The following IFT52 variants were observed in gnomAD, a reference collection of about 807,000 sequenced individuals.
The protein encoded by IFT52 is intraflagellar transport 52.
IFT52 carries 44 observed loss-of-function variants against 54.4 expected under a neutral mutation model. That is an observed-to-expected ratio of 0.81 (90% CI 0.63 to 1.04). The LOEUF is 1.04. IFT52 is among the 50% of genes least tolerant of loss of function. The pLI is 0.00. For synonymous variants in IFT52, 181 were observed against 185.3 expected (o/e 0.98, Z 0.19); for missense variants, 452 against 523.6 (o/e 0.86, Z 1.33).
At chr20:43,595,442 G>A (rs554940601) in intron 2 of IFT52, among the ~76,000 whole-genome samples, 152 of 151,884 alleles carry the variant, frequency 1.0e-3, no homozygotes, top group African/African-American at 2.6e-3. Flanking sequence ...CCAGCTGCTC[G>A]GGAGGCTGAG....
chr20:43,615,720 C>T (rs1482071027), intron 7 of IFT52, among the ~76,000 whole-genome samples: 1 of 152,006 alleles, frequency 6.6e-6, no homozygotes, highest in Non-Finnish European at 1.5e-5. Context: ...GGGTGGATCA[C>T]GAGGTCAGGA....
Position 43,600,304 on chromosome 20 carries a change from AT to A in IFT52, c.208-3441del, listed in dbSNP as rs747896469. On this transcript the variant is annotated intron_variant, in intron 3 of 13. Transcript: ENST00000373030. Reference sequence around the variant, plus strand: ...ACTGACTAACTCTTGGTAAAGTTCTATTTTTTTTTTTTTTTCCTGAGACGGA... The same window carrying A: ...ACTGACTAACTCTTGGTAAAGTTCTATTTTTTTTTTTTTTCCTGAGACGGA... 2.1e-3 allele frequency among the ~76,000 whole-genome samples: 290 copies of A among 138,436 alleles called. 1 individual carries two copies. The highest frequency in any genetic ancestry group is 0.01 in the South Asian group (45 of 4,290). The allele number at this position is 138,436 out of a possible 152,430, so 90.8% of individuals were successfully genotyped here.
intron 6 of IFT52, among the ~76,000 whole-genome samples, chr20:43,610,627 T>C (rs375728722): frequency 7.5e-4 from 113 of 151,672 alleles, no homozygotes; most frequent in African/African-American, 2.6e-3. Flanking sequence ...TAGTCCCAAC[T>C]ACTCGGGAGG....
rs577099933 is a variant in IFT52 at position 43,615,184 on chromosome 20, A to G, written c.612+1208A>G. 1.5e-3 allele frequency among the ~76,000 whole-genome samples: 226 copies of G among 152,052 alleles called. 1 individual carries two copies. Among genetic ancestry groups the G allele is most frequent in the African/African-American group, 5.1e-3 (212 of 41,508 alleles). ...CAGCCTTCCAAGTAGCTGGGATTACAGGCCTGCACCACCACACCCTGCTAA... is the reference window on the plus strand; with the variant it reads ...CAGCCTTCCAAGTAGCTGGGATTACGGGCCTGCACCACCACACCCTGCTAA... On this transcript the variant is annotated intron_variant, in intron 7 of 13. Transcript: ENST00000373030.
At chr20:43,641,794 G>T (rs1361438554) in intron 12 of IFT52, among the ~76,000 whole-genome samples, 1 of 150,708 alleles carries the variant, frequency 6.6e-6, no homozygotes, top group African/African-American at 2.5e-5. Flanking sequence ...ACGCTCGGCT[G>T]TTTTGTTTTG....
chr20:43,634,672 A>G (rs1985399762), intron 10 of IFT52, among the ~76,000 whole-genome samples: 2 of 151,898 alleles, frequency 1.3e-5, no homozygotes, highest in Non-Finnish European at 2.9e-5. Flanking sequence ...GTTCAGGGGT[A>G]CAAGTACAGA....
intron 12 of IFT52, among the ~76,000 whole-genome samples, chr20:43,638,680 C>T (rs2145673435): frequency 6.6e-6 from 1 of 151,984 alleles, no homozygotes; most frequent in East Asian, 1.9e-4. Flanking sequence ...CTTTAATGTC[C>T]ACTAGCAGAG....
At chr20:43,610,062 G>T (rs1983302636) in intron 6 of IFT52, among the ~76,000 whole-genome samples, 1 of 152,030 alleles carries the variant, frequency 6.6e-6, no homozygotes. Flanking sequence ...CATTTTGGGA[G>T]ACTGAGGCAG....
rs774825608 is a variant in IFT52 at position 43,622,759 on chromosome 20, A to G, written c.769-1132A>G. On this transcript the variant is annotated intron_variant, in intron 9 of 13. Transcript: ENST00000373030. ...TACATATTTTTATGTAAATATAAAT[A>G]TATACAAATTGTGTGTAAATATAAA... Among the ~76,000 whole-genome samples the G allele has an allele frequency of 4.7e-3, 265 of 56,374 alleles. 16 individuals carry two copies. The highest frequency in any genetic ancestry group is 7.0e-3 in the Non-Finnish European group (206 of 29,560). The allele number at this position is 56,374 out of a possible 152,430, so 37.0% of individuals were successfully genotyped here. A position where few individuals can be genotyped will look rare whatever the true frequency, so the allele number is the denominator to read the frequency against.
chr20:43,616,660 T>C (rs115619382), intron 7 of IFT52, among the ~76,000 whole-genome samples: 231 of 152,272 alleles, frequency 1.5e-3, no homozygotes, highest in African/African-American at 5.3e-3. Context: ...ATTCACTTTC[T>C]CCTACTTTTG....
At chr20:43,594,104 T>C (rs1158493045) in intron 1 of IFT52, among the ~76,000 whole-genome samples, 3 of 152,014 alleles carry the variant, frequency 2.0e-5, no homozygotes, top group African/African-American at 4.8e-5. Flanking sequence ...GGTCAGGAGT[T>C]TGAGACCAGC....
chr20:43,602,753 G>A (rs1424299002), intron 3 of IFT52, among the ~76,000 whole-genome samples: 1 of 151,990 alleles, frequency 6.6e-6, no homozygotes, highest in African/African-American at 2.4e-5. Flanking sequence ...CAAGTGATCC[G>A]CCTACCTTGG....
At chr20:43,618,690 G>A (rs1203900601) in intron 7 of IFT52, among the ~76,000 whole-genome samples, 1 of 151,608 alleles carries the variant, frequency 6.6e-6, no homozygotes. Flanking sequence ...CACCATGTTG[G>A]CCAGGCTGGT....
At chr20:43,620,676 G>A (rs1428078280) in intron 8 of IFT52, among the ~76,000 whole-genome samples, 181 bp from the exon 9 acceptor site, 1 of 151,968 alleles carries the variant, frequency 6.6e-6, no homozygotes, top group Non-Finnish European at 1.5e-5. Context: ...GGTGCATTAG[G>A]GTGAAGAAAA....
At chr20:43,599,803 G>T (rs575634538) in intron 3 of IFT52, among the ~76,000 whole-genome samples, 1 of 152,060 alleles carries the variant, frequency 6.6e-6, no homozygotes, top group African/African-American at 2.4e-5. Context: ...CTACATTGAC[G>T]CATTACACTA....
intron 1 of IFT52, among the ~76,000 whole-genome samples, chr20:43,593,384 G>T (rs996560715): frequency 2.6e-5 from 4 of 152,172 alleles, no homozygotes; most frequent in African/African-American, 9.7e-5. Flanking sequence ...ATTTGGAAAT[G>T]ATTTACTCAG....
At position 43,604,250 on chromosome 20, in the gene IFT52, C is replaced by G; in HGVS notation, c.405C>G (p.Val135=). 1 of 1,606,842 alleles carries G rather than the reference C, an allele frequency of 6.2e-7. No individual in the cohort carries two copies. ...AAGAAGCTCTAGTTTCCAGTGGAGT[C>G]TTGAACAGGTAAGCATGTTGAAAGC... is the stretch of plus-strand genomic sequence containing the variant. The part of the protein sequence containing the change: ...HPKEALVSSG[V]LNREISRAAG... The change falls in exon 5 of 14, where the codon GTC becomes GTG. Residue 135 remains valine (V), a synonymous_variant. Coordinates refer to ENST00000373030, the MANE Select transcript of IFT52 (RefSeq NM_016004.5).
intron 3 of IFT52, among the ~76,000 whole-genome samples, chr20:43,598,973 T>TG (rs1363383016): frequency 6.6e-6 from 1 of 152,120 alleles, no homozygotes; most frequent in African/African-American, 2.4e-5. Flanking sequence ...AGAGGTCCAC[T>TG]GGGGAGCATT....
intron 13 of IFT52, among the ~76,000 whole-genome samples, chr20:43,646,506 A>G (rs1036335742): frequency 6.6e-6 from 1 of 152,112 alleles, no homozygotes; most frequent in African/African-American, 2.4e-5. Context: ...ACAGAAGTGT[A>G]TTGGCAGTTA....
Sources: gnomAD v4.1 joint callset for allele counts (sites outside exome capture counted in the v4.1 genomes callset) on GRCh38, gnomAD v4.1.1 for gene constraint, MANE v1.5 for transcripts, NCBI Gene and HGNC (gene_info 2026-07-23, HGNC 2026-07-21) for gene names.